Variants in GOLGB1 observed in about 807,000 individuals in gnomAD.
The protein encoded by GOLGB1 is golgin B1.
A neutral mutation model predicts 336.9 loss-of-function variants in GOLGB1; 174 were observed. The observed-to-expected ratio is 0.52, with a 90% CI of 0.46 to 0.59. The LOEUF (loss-of-function observed/expected upper bound fraction) is 0.59. Among genes scored for constraint, GOLGB1 ranks in the 20% least tolerant of loss-of-function variants. The pLI is 0.00. For missense variants in GOLGB1, 3,331 were observed against 3,645.3 expected, an observed-to-expected ratio of 0.91 and a Z score of 2.22; for synonymous variants, 1,208 against 1,289.2, an observed-to-expected ratio of 0.94 and a Z score of 1.35.
intron 4 of GOLGB1, among the ~76,000 whole-genome samples, chr3:121,727,346 T>G (rs1945753452): frequency 8.2e-6 from 1 of 121,684 alleles, no homozygotes; most frequent in Admixed American, 8.5e-5. Context: ...TTTTTTTTTT[T>G]TTCCCTCACA....
At chr3:121,682,479 T>C (rs1941191390) in intron 14 of GOLGB1, among the ~76,000 whole-genome samples, 1 of 152,200 alleles carries the variant, frequency 6.6e-6, no homozygotes, top group Admixed American at 6.5e-5. Flanking sequence ...TGAAGATAAT[T>C]ATAGTACCTT....
rs377398229 is a variant in GOLGB1 at position 121,716,108 on chromosome 3, A to G, written c.1288+629T>C. Among the ~76,000 whole-genome samples, 9 of 152,340 alleles carry G rather than the reference A, an allele frequency of 5.9e-5. No homozygotes were observed. The East Asian group carries it at 1.2e-3, about 20-fold the overall frequency. ...TTATGTCTATGTCAATATATTAGTA[A>G]AGGTTATAATTTGGGGAAGAGGATT... On this transcript the variant is annotated intron_variant, in intron 9 of 21. Transcript: ENST00000614479.
chr3:121,707,505 T>C (rs540863430), intron 10 of GOLGB1, among the ~76,000 whole-genome samples: 1 of 151,604 alleles, frequency 6.6e-6, no homozygotes, highest in South Asian at 2.1e-4. Flanking sequence ...GCATGGTGCA[T>C]GCCTGTAGTC....
At chr3:121,729,424 T>C in intron 3 of GOLGB1, 84 bp from the exon 4 acceptor site, 1 of 1,103,614 alleles carries the variant, frequency 9.1e-7, no homozygotes. Context: ...TTATTATTAT[T>C]ACTTTCAGAG....
chr3:121,682,008 C>T (rs147883463), intron 14 of GOLGB1, 143 bp from the exon 15 acceptor site: 7 of 630,900 alleles, frequency 1.1e-5, no homozygotes, highest in Non-Finnish European at 1.9e-5. Flanking sequence ...ATCACTGCAA[C>T]ATAAGTCTCT....
chr3:121,692,357 C>T lies in GOLGB1; in HGVS notation c.7007G>A (p.Cys2336Tyr). The T allele has an allele frequency of 5.6e-6, 9 of 1,604,390 alleles. No homozygotes were observed. The highest frequency in any genetic ancestry group is 7.6e-6 in the Non-Finnish European group (9 of 1,177,386). The change falls in exon 14 of 22, where the codon TGT (cysteine) becomes TAT (tyrosine). Residue 2336 changes from cysteine to tyrosine, a missense_variant. By Grantham distance (194) the Cys-to-Tyr change is radical (BLOSUM62 -2). Transcript: ENST00000614479. ...TTCCAAGTTTCCTTTTTGTTCCTTA[C>T]ATTTTTCTAAAGAGTTACTTAAATC... is the stretch of plus-strand genomic sequence containing the variant. Reference protein sequence around the residue: ...LTDLSNSLEKCKEQKGNLEGI... With the variant: ...LTDLSNSLEKYKEQKGNLEGI...
chr3:121,683,783 A>T (rs1941375953), intron 14 of GOLGB1, among the ~76,000 whole-genome samples: 1 of 152,174 alleles, frequency 6.6e-6, no homozygotes, highest in African/African-American at 2.4e-5. Flanking sequence ...AGAAAAACTC[A>T]TTATAAGAAA....
chr3:121,728,871 A>C (rs1177437922), intron 4 of GOLGB1, among the ~76,000 whole-genome samples: 1 of 152,188 alleles, frequency 6.6e-6, no homozygotes. Flanking sequence ...TCAATGATGA[A>C]ACTCCTCCAA....
intron 1 of GOLGB1, among the ~76,000 whole-genome samples, chr3:121,742,688 A>G (rs1946962706): frequency 6.6e-6 from 1 of 152,246 alleles, no homozygotes; most frequent in Non-Finnish European, 1.5e-5. Context: ...GGCAACCTAC[A>G]GAATGGGATA....
intron 17 of GOLGB1, among the ~76,000 whole-genome samples, chr3:121,671,006 T>C (rs1023314003): frequency 1.3e-5 from 2 of 152,206 alleles, no homozygotes; most frequent in African/African-American, 2.4e-5. Context: ...ATCCAGGGCC[T>C]GCTGCCCTTT....
Position 121,669,375 on chromosome 3 carries a change from A to G in GOLGB1, c.9178-20T>C, listed in dbSNP as rs1212812299. On this transcript the variant is annotated intron_variant, in intron 17 of 21. Transcript: ENST00000614479. ...AGAGAACTGAAACAGAGGCGAGGAT[A>G]AGCATCATCCTGCAGTACTGTAAGC... 6.2e-7 allele frequency: 1 copy of G among 1,609,310 alleles called. No homozygotes were observed. Among genetic ancestry groups the G allele is most frequent in the South Asian group, 1.1e-5 (1 of 90,872 alleles).
chr3:121,727,312 ATATATATATTTTTTTTT>A (rs1374135938), intron 4 of GOLGB1, among the ~76,000 whole-genome samples: 2 of 35,544 alleles, frequency 5.6e-5, no homozygotes, highest in East Asian at 1.2e-3. Context: ...ATATATATAT[ATATATATATTTTTTTTT>A]TTTTTTTTTT....
At position 121,677,360 on chromosome 3, in the gene GOLGB1, ATGACTGAGCTGC is replaced by A. The variant is rs750859071; in HGVS notation, c.8952_8963del (p.Gln2984_Ser2987del). The A allele has an allele frequency of 6.2e-7, 1 of 1,606,244 alleles. No homozygotes were observed. Among genetic ancestry groups the A allele is most frequent in the South Asian group, 1.1e-5 (1 of 90,924 alleles). ...TCAATTCCCTTATAAGATTCTGCAG[ATGACTGAGCTGC>A]TGATCTTTATCTGAGATAGCCATAA... On this transcript the variant is annotated inframe_deletion, in exon 16 of 22. Transcript: ENST00000614479.
chr3:121,696,699 G>A lies in GOLGB1; in HGVS notation c.3824C>T (p.Ala1275Val). The A allele has an allele frequency of 6.2e-7, 1 of 1,614,098 alleles. No homozygotes were observed. The highest frequency in any genetic ancestry group is 1.3e-5 in the African/African-American group (1 of 75,036). ...AGGTTGAGTGTGATGCTGTTCTGTG[G>A]CTTTGAATAAAGGTTCTTCTAAACC... ...TPGLEEPLFK[A>V]TEQHHTQPVL... The change falls in exon 13 of 22, where the codon GCC (alanine) becomes GTC (valine). Residue 1275 changes from alanine (A) to valine (V), a missense_variant. Physicochemically the swap from Ala to Val is moderately conservative, Grantham distance 64 (BLOSUM62 0). Transcript: ENST00000614479.
intron 14 of GOLGB1, among the ~76,000 whole-genome samples, chr3:121,686,706 A>G (rs767369548): frequency 6.6e-6 from 1 of 152,216 alleles, no homozygotes; most frequent in Non-Finnish European, 1.5e-5. Flanking sequence ...GGGACAAATG[A>G]TAAGTAAAAT....
chr3:121,678,572 T>C (rs1220126522), intron 15 of GOLGB1, among the ~76,000 whole-genome samples: 1 of 87,250 alleles, frequency 1.1e-5, no homozygotes, highest in Non-Finnish European at 2.7e-5. Context: ...GCTTTTTGAA[T>C]TTTTTTTTTT....
chr3:121,690,577 A>G (rs1362396267), intron 14 of GOLGB1, 93 bp downstream of exon 14: 2 of 622,838 alleles, frequency 3.2e-6, no homozygotes, highest in Non-Finnish European at 5.1e-6. Context: ...GATAATATGT[A>G]TAAGAATGTG....
chr3:121,673,155 C>T (rs1478899681), intron 17 of GOLGB1, among the ~76,000 whole-genome samples: 4 of 151,884 alleles, frequency 2.6e-5, no homozygotes, highest in East Asian at 1.9e-4. Context: ...CTGTAACTTC[C>T]ACCTCCCGGG....
rs1391168540 is a variant in GOLGB1, at chr3:121,663,605, C to A, written c.*875G>T. On this transcript the variant is annotated 3_prime_UTR_variant, in exon 22 of 22. Transcript: ENST00000614479. ...TCAGGAGTTGCAGTGTGGTGTTAGA[C>A]CAGTCAGACTCCTGGCTGAGAGTCA... 3 of 152,146 alleles carry A rather than the reference C, an allele frequency of 2.0e-5. No homozygotes were observed. The highest frequency in any genetic ancestry group is 7.2e-5 in the African/African-American group (3 of 41,410). 9.4% of individuals were successfully genotyped at this position (152,146 alleles called of 1,614,324 possible). A position where few individuals can be genotyped will look rare whatever the true frequency, so the allele number is the denominator to read the frequency against.
Sources: allele counts gnomAD v4.1 joint callset (sites outside exome capture counted in the v4.1 genomes callset), GRCh38; gene constraint gnomAD v4.1.1; transcripts MANE v1.5; gene names NCBI Gene and HGNC (gene_info 2026-07-23, HGNC 2026-07-21).